Variants in C1orf198 observed in about 807,000 individuals in gnomAD.
The protein encoded by C1orf198 is uncharacterized protein C1orf198.
C1orf198 carries 17 observed loss-of-function variants against 31.4 expected under a neutral mutation model. The observed-to-expected ratio is 0.54, with a 90% CI of 0.37 to 0.81. The LOEUF (loss-of-function observed/expected upper bound fraction) is 0.81, where lower values mean the gene tolerates loss of function less well. C1orf198 is among the 40% of genes least tolerant of loss of function. The pLI is 0.00. For missense variants in C1orf198, 401 were observed against 450.3 expected, an observed-to-expected ratio of 0.89 and a Z score of 0.99; for synonymous variants, 175 against 193.8, an observed-to-expected ratio of 0.90 and a Z score of 0.81.
At chr1:230,860,176 C>T (rs1669975856) in intron 1 of C1orf198, among the ~76,000 whole-genome samples, 1 of 152,064 alleles carries the variant, frequency 6.6e-6, no homozygotes, top group Admixed American at 6.5e-5. Flanking sequence ...ACTTCACACC[C>T]ACAAGGATGG....
chr1:230,852,408 G>C (rs1429442608), intron 2 of C1orf198, among the ~76,000 whole-genome samples: 1 of 152,100 alleles, frequency 6.6e-6, no homozygotes, highest in Non-Finnish European at 1.5e-5. Context: ...GAGAGTGGGG[G>C]GCAGTCATTC....
intron 2 of C1orf198, among the ~76,000 whole-genome samples, chr1:230,855,161 T>C (rs566382583): frequency 6.6e-6 from 1 of 152,074 alleles, no homozygotes; most frequent in Non-Finnish European, 1.5e-5. Flanking sequence ...GCAACTCTGG[T>C]GATGATGATG....
chr1:230,842,386 T>C (rs1176787824), intron 3 of C1orf198, among the ~76,000 whole-genome samples: 8 of 152,180 alleles, frequency 5.3e-5, no homozygotes, highest in Admixed American at 3.9e-4. Context: ...CTGTGGTATA[T>C]ATATACGATG....
intron 2 of C1orf198, among the ~76,000 whole-genome samples, chr1:230,845,763 A>G (rs1669573160): frequency 6.6e-6 from 1 of 152,188 alleles, no homozygotes; most frequent in Non-Finnish European, 1.5e-5. Flanking sequence ...TACATGACAG[A>G]AAGTTTGGGA....
intron 2 of C1orf198, among the ~76,000 whole-genome samples, chr1:230,851,068 C>T (rs1201155355): frequency 1.3e-5 from 2 of 151,186 alleles, no homozygotes; most frequent in African/African-American, 4.9e-5. Flanking sequence ...ATCATGGGCA[C>T]AGCACAGAGG....
At chr1:230,851,482 C>G (rs1669741872) in intron 2 of C1orf198, among the ~76,000 whole-genome samples, 1 of 152,220 alleles carries the variant, frequency 6.6e-6, no homozygotes, top group South Asian at 2.1e-4. Context: ...AATCCTCTCT[C>G]CACTCCCTGC....
At chr1:230,847,687 G>A (rs1454675558) in intron 2 of C1orf198, among the ~76,000 whole-genome samples, 1 of 152,196 alleles carries the variant, frequency 6.6e-6, no homozygotes, top group Non-Finnish European at 1.5e-5. Flanking sequence ...TGAATACTCT[G>A]CATATTTCCA....
At chr1:230,855,152 C>T (rs1669842717) in intron 2 of C1orf198, among the ~76,000 whole-genome samples, 1 of 152,184 alleles carries the variant, frequency 6.6e-6, no homozygotes, top group Non-Finnish European at 1.5e-5. Context: ...TGCTCTTAAG[C>T]AACTCTGGTG....
upstream of C1orf198, chr1:230,868,529 G>GCTCCCGGCCCGCGCCCCGCCC (rs1670181159): frequency 7.0e-6 from 9 of 1,278,228 alleles, no homozygotes; most frequent in Non-Finnish European, 2.0e-6. Flanking sequence ...CCTGCCCGCC[G>GCTCCCGGCCCGCGCCCCGCCC]CTCCCGGCCC....
At chr1:230,862,484 G>A (rs1670024947) in intron 1 of C1orf198, among the ~76,000 whole-genome samples, 1 of 152,152 alleles carries the variant, frequency 6.6e-6, no homozygotes, top group African/African-American at 2.4e-5. Flanking sequence ...TCAGTTATTG[G>A]ATAAGTAAAC....
At chr1:230,867,551 C>A (rs934515822) in intron 1 of C1orf198, among the ~76,000 whole-genome samples, 1 of 152,154 alleles carries the variant, frequency 6.6e-6, no homozygotes, top group Non-Finnish European at 1.5e-5. Flanking sequence ...TTAAAACATA[C>A]GCTGGGCATT....
chr1:230,848,800 G>A (rs982747615), intron 2 of C1orf198, among the ~76,000 whole-genome samples: 10 of 152,134 alleles, frequency 6.6e-5, no homozygotes, highest in African/African-American at 2.4e-4. Flanking sequence ...TTGGGGTAGG[G>A]GAAGAATCTT....
intron 2 of C1orf198, among the ~76,000 whole-genome samples, chr1:230,851,723 C>G (rs6695060): frequency 0.11 from 16,853 of 152,154 alleles, 2,180 homozygotes; most frequent in African/African-American, 0.32. Flanking sequence ...ACCACAGCCA[C>G]GATCAGCCTC....
rs192224942 is a variant in C1orf198 at position 230,857,179 on chromosome 1, G to T, written c.334-1461C>A. ...CATGCCAGGGTCTGGGCAGCTGAAG[G>T]CCTATTCCCAAGAAGCGGGGACAGG... On this transcript the variant is annotated intron_variant, in intron 1 of 3. Coordinates refer to ENST00000366663, the MANE Select transcript of C1orf198 (RefSeq NM_032800.3). The surrounding 1 kb of genome is among the most constrained non-coding windows in gnomAD (Gnocchi z 4.2). 6.6e-6 allele frequency among the ~76,000 whole-genome samples: 1 copy of T among 152,114 alleles called. No individual in the cohort carries two copies. The highest frequency in any genetic ancestry group is 1.5e-5 in the Non-Finnish European group (1 of 68,008).
At chr1:230,848,096 T>A (rs1233526093) in intron 2 of C1orf198, among the ~76,000 whole-genome samples, 1 of 151,820 alleles carries the variant, frequency 6.6e-6, no homozygotes, top group African/African-American at 2.4e-5. Flanking sequence ...ATGACAGAGG[T>A]CACTCCCAGC....
chr1:230,841,413 T>C (rs1179835125), intron 3 of C1orf198, among the ~76,000 whole-genome samples: 1 of 152,150 alleles, frequency 6.6e-6, no homozygotes. Context: ...CTGGGGGACA[T>C]TCAATGTTAT....
At chr1:230,849,199 A>G (rs1456937039) in intron 2 of C1orf198, among the ~76,000 whole-genome samples, 2 of 152,160 alleles carry the variant, frequency 1.3e-5, no homozygotes, top group Admixed American at 1.3e-4. Flanking sequence ...TCCATTTTCT[A>G]CAGGTGTGGA....
At chr1:230,854,744 G>A (rs1158481496) in intron 2 of C1orf198, among the ~76,000 whole-genome samples, 1 of 152,114 alleles carries the variant, frequency 6.6e-6, no homozygotes, top group African/African-American at 2.4e-5. Flanking sequence ...AGACACAGTC[G>A]CCAACATGAG....
At chr1:230,845,640 G>A (rs1259713035) in intron 2 of C1orf198, among the ~76,000 whole-genome samples, 2 of 146,470 alleles carry the variant, frequency 1.4e-5, no homozygotes, top group East Asian at 2.1e-4. Context: ...CCAAGATCAC[G>A]TCATTGCACT....
Sources: gnomAD v4.1 joint callset for allele counts (sites outside exome capture counted in the v4.1 genomes callset) on GRCh38, gnomAD v4.1.1 for gene constraint, Gnocchi (gnomAD v3.1) non-coding constraint, MANE v1.5 for transcripts, NCBI Gene and HGNC (gene_info 2026-07-23, HGNC 2026-07-21) for gene names.